The following SNX27 variants were observed in gnomAD, a reference collection of about 807,000 sequenced individuals.
SNX27 encodes sorting nexin-27.
A neutral mutation model predicts 71.6 loss-of-function variants in SNX27; 22 were observed. The observed-to-expected ratio is 0.31, with a 90% CI of 0.22 to 0.44. The LOEUF (loss-of-function observed/expected upper bound fraction) is 0.44. Among genes scored for constraint, SNX27 ranks in the 20% least tolerant of loss-of-function variants. The probability of loss-of-function intolerance (pLI) is 1.00; values close to 1 mark genes in which losing one functional copy is unlikely to be tolerated. For missense variants in SNX27, 531 were observed against 698.6 expected (o/e 0.76, Z 2.70); for synonymous variants, 269 against 277.2 (o/e 0.97, Z 0.29).
At chr1:151,620,598 T>G (rs1198509622) in intron 1 of SNX27, among the ~76,000 whole-genome samples, 1 of 152,228 alleles carries the variant, frequency 6.6e-6, no homozygotes, top group African/African-American at 2.4e-5. Context: ...TACTTACTAT[T>G]GTGTTTACAA....
chr1:151,695,948 G>C lies in SNX27; in HGVS notation c.*1531G>C, dbSNP rs1285037121. The C allele has an allele frequency of 6.6e-6, 1 of 152,306 alleles. No homozygotes were observed. Among genetic ancestry groups the C allele is most frequent in the African/African-American group, 2.4e-5 (1 of 41,446 alleles). 9.4% of individuals were successfully genotyped at this position (152,306 alleles called of 1,614,324 possible). A position where few individuals can be genotyped will look rare whatever the true frequency, so the allele number is the denominator to read the frequency against. ...GATCCAATAGTATCTTCAAGGCCTT[G>C]GGGAAACTTGCAGTGGGTCAGTGGT... On this transcript the variant is annotated 3_prime_UTR_variant, in exon 12 of 12. Transcript: ENST00000458013.
At chr1:151,686,160 AG>A in intron 8 of SNX27, among the ~76,000 whole-genome samples, 1 of 152,344 alleles carries the variant, frequency 6.6e-6, no homozygotes, top group East Asian at 1.9e-4. Context: ...TAATTTCATA[AG>A]GTCTTCTGAT....
chr1:151,623,187 G>T (rs770189003), intron 1 of SNX27, among the ~76,000 whole-genome samples: 2 of 151,510 alleles, frequency 1.3e-5, no homozygotes, highest in Non-Finnish European at 2.9e-5. Context: ...TGTCGCCCAG[G>T]CTGGAGTGCA....
chr1:151,620,512 G>GT (rs34558780), intron 1 of SNX27, among the ~76,000 whole-genome samples: 49,052 of 151,886 alleles, frequency 0.32, 8,103 homozygotes, highest in Middle Eastern at 0.44. Context: ...CCTTTAACTT[G>GT]TGTTTGTATT....
chr1:151,634,948 G>GC (rs1452403127), intron 1 of SNX27, among the ~76,000 whole-genome samples: 1 of 152,170 alleles, frequency 6.6e-6, no homozygotes, highest in Non-Finnish European at 1.5e-5. Flanking sequence ...ATCCTACTGG[G>GC]CAGTCAGTAC....
chr1:151,668,781 C>A, intron 7 of SNX27, 146 bp downstream of exon 7: 1 of 571,116 alleles, frequency 1.8e-6, no homozygotes, highest in Non-Finnish European at 2.8e-6. Flanking sequence ...TCCCATTTCA[C>A]GAAAGATAAA....
intron 1 of SNX27, among the ~76,000 whole-genome samples, chr1:151,638,292 C>T (rs1474064447): frequency 1.3e-5 from 2 of 152,090 alleles, no homozygotes; most frequent in Admixed American, 6.6e-5. Context: ...AAGAGTAATA[C>T]CATTTAGCTC....
intron 2 of SNX27, among the ~76,000 whole-genome samples, chr1:151,641,598 G>GATATATATGTAT (rs1668722637): frequency 1.3e-5 from 1 of 78,994 alleles, no homozygotes; most frequent in Non-Finnish European, 2.5e-5. Flanking sequence ...TCCTTTATCA[G>GATATATATGTAT]ATATATATAT....
chr1:151,666,093 A>G lies in SNX27; in HGVS notation c.985+82A>G. The G allele has an allele frequency of 2.7e-6, 3 of 1,100,532 alleles. No homozygotes were observed. The South Asian group carries it at 4.2e-5, about 15-fold the overall frequency. The allele number at this position is 1,100,532 out of a possible 1,614,324, so 68.2% of individuals were successfully genotyped here. On this transcript the variant is annotated intron_variant, in intron 6 of 11. Transcript: ENST00000458013. ...TTTACCTAGAGAAGAGCTTGAAGAC[A>G]AGGGGAGATCCCACTCATTAGAACT...
intron 7 of SNX27, among the ~76,000 whole-genome samples, chr1:151,670,984 G>A (rs1670432241): frequency 6.6e-6 from 1 of 152,132 alleles, no homozygotes; most frequent in Non-Finnish European, 1.5e-5. Flanking sequence ...TAGGGGGCTA[G>A]TTTCATTCTT....
intron 1 of SNX27, among the ~76,000 whole-genome samples, chr1:151,617,991 C>T (rs943992939): frequency 1.3e-5 from 2 of 148,630 alleles, no homozygotes; most frequent in Non-Finnish European, 3.0e-5. Context: ...GAGTAGCTGG[C>T]ACTACAGGCA....
intron 5 of SNX27, 119 bp downstream of exon 5, chr1:151,662,389 T>C: frequency 1.7e-6 from 1 of 574,728 alleles, no homozygotes; most frequent in East Asian, 3.0e-5. Flanking sequence ...GTTTATTAAA[T>C]GTTAGCTACT....
chr1:151,620,232 G>T (rs1667609238), intron 1 of SNX27, among the ~76,000 whole-genome samples: 2 of 152,208 alleles, frequency 1.3e-5, no homozygotes, highest in African/African-American at 2.4e-5. Flanking sequence ...GTAATCCCAA[G>T]AAGTTTGGAT....
intron 1 of SNX27, among the ~76,000 whole-genome samples, chr1:151,618,049 G>A (rs1015366126): frequency 9.4e-6 from 1 of 105,940 alleles, no homozygotes; most frequent in Non-Finnish European, 2.0e-5. Context: ...TTTTTTTTTT[G>A]TAGAGATGGG....
intron 2 of SNX27, among the ~76,000 whole-genome samples, chr1:151,654,827 T>C (rs1669600085): frequency 6.6e-6 from 1 of 152,124 alleles, no homozygotes; most frequent in African/African-American, 2.4e-5. Context: ...ATAATGACAT[T>C]AATCACGAGA....
intron 2 of SNX27, among the ~76,000 whole-genome samples, chr1:151,644,396 T>G (rs1382909451): frequency 6.6e-6 from 1 of 152,244 alleles, no homozygotes; most frequent in African/African-American, 2.4e-5. Context: ...TGGTTTTTTT[T>G]GTAACTGGCT....
chr1:151,679,852 A>G (rs1670860641), intron 7 of SNX27: 1 of 152,152 alleles, frequency 6.6e-6, no homozygotes, highest in Non-Finnish European at 1.5e-5. Flanking sequence ...AAATATTTTC[A>G]ACACAGTAAG....
At position 151,683,415 on chromosome 1, in the gene SNX27, G is replaced by A. The variant is rs1310069856; in HGVS notation, c.1209G>A (p.Gln403=). 4 of 1,613,656 alleles carry A rather than the reference G, an allele frequency of 2.5e-6. No individual in the cohort carries two copies. In the African/African-American group the frequency reaches 4.0e-5, roughly 16 times the overall value. The change falls in exon 8 of 12, where the codon CAG becomes CAA. Residue 403 remains glutamine, a synonymous_variant. Transcript: ENST00000458013. Reference sequence around the variant, plus strand: ...CAGAAGAAAAGTCCTATCAATTACAGAAGCTATACGAACAAAGAAAAATGG... The same window carrying A: ...CAGAAGAAAAGTCCTATCAATTACAAAAGCTATACGAACAAAGAAAAATGG... The part of the protein sequence containing the change: ...IKAEEKSYQL[Q]KLYEQRKMVM...
At chr1:151,616,468 A>G (rs972521279) in intron 1 of SNX27, among the ~76,000 whole-genome samples, 1 of 152,238 alleles carries the variant, frequency 6.6e-6, no homozygotes, top group African/African-American at 2.4e-5. Flanking sequence ...GCCACCAGAT[A>G]ATAGACTCAT....
Sources: gnomAD v4.1 joint callset for allele counts (sites outside exome capture counted in the v4.1 genomes callset) on GRCh38, gnomAD v4.1.1 for gene constraint, MANE v1.5 for transcripts, NCBI Gene and HGNC (gene_info 2026-07-23, HGNC 2026-07-21) for gene names.